PKIB: variants seen among roughly 807,000 people sequenced by gnomAD.
PKIB encodes PKI-beta.
PKIB carries 2 observed loss-of-function variants against 4.5 expected under a neutral mutation model. The ratio of observed to expected loss-of-function variants is 0.44; its 90% CI spans 0.18 to 1.39. The LOEUF (loss-of-function observed/expected upper bound fraction) is 1.39. PKIB is among the 40% of genes most tolerant of loss of function. PKIB has a pLI of 0.27. For missense variants in PKIB, 94 were observed against 92.6 expected (o/e 1.02, Z -0.06); for synonymous variants, 38 against 36.0 (o/e 1.06, Z -0.20).
At chr6:122,659,786 CTG>C (rs759686700) in intron 2 of PKIB, among the ~76,000 whole-genome samples, 37 of 151,974 alleles carry the variant, frequency 2.4e-4, no homozygotes, top group Non-Finnish European at 5.4e-4. Context: ...AGAGGAGAAT[CTG>C]TAAATGCAGA....
chr6:122,667,534 C>CA lies in PKIB; in HGVS notation c.-75-7536dup, dbSNP rs1280166100. The stretch of plus-strand genomic sequence containing the variant: ...CCTGGGGGACAAAGCAAGACTGTCT[C>CA]AAAAAAAATAAAAATGAAAATAAAA... On this transcript the variant is annotated intron_variant, in intron 2 of 4. Transcript: ENST00000368452. 8.7e-5 allele frequency among the ~76,000 whole-genome samples: 13 copies of CA among 150,260 alleles called. No homozygotes were observed. The East Asian group carries it at 1.8e-3, about 20-fold the overall frequency.
chr6:122,526,096 T>G (rs1045686586), intron 2 of PKIB, among the ~76,000 whole-genome samples: 1 of 152,250 alleles, frequency 6.6e-6, no homozygotes, highest in Non-Finnish European at 1.5e-5. Context: ...AAAGCAACTC[T>G]TCATCATTCA....
chr6:122,624,234 A>G (rs907217694), intron 1 of PKIB, among the ~76,000 whole-genome samples: 1 of 152,210 alleles, frequency 6.6e-6, no homozygotes, highest in Admixed American at 6.5e-5. Flanking sequence ...TAATGGTATG[A>G]TGAAAGAATG....
At chr6:122,552,020 G>C (rs1040864529) in intron 2 of PKIB, among the ~76,000 whole-genome samples, 6 of 151,366 alleles carry the variant, frequency 4.0e-5, no homozygotes, top group Admixed American at 6.6e-5. Context: ...TGTCATGTTG[G>C]TTCTCTGCTC....
At chr6:122,562,004 G>T (rs197690) in intron 2 of PKIB, among the ~76,000 whole-genome samples, 55,210 of 78,340 alleles carry the variant, frequency 0.7, 19,754 homozygotes, top group East Asian at 0.76. Context: ...GTTTTTTTTT[G>T]TTTTTTTTTT....
At position 122,615,912 on chromosome 6, in the gene PKIB, G is replaced by C. The variant is rs1209259401; in HGVS notation, c.-161+5377G>C. 3.9e-5 allele frequency among the ~76,000 whole-genome samples: 6 copies of C among 152,190 alleles called. No individual in the cohort carries two copies. The East Asian group carries it at 9.6e-4, about 24-fold the overall frequency. ...CAGTTGATTGGATTGCTGCCATTCT[G>C]AACTGTGTGAAAATAAATTTCTGTT... On this transcript the variant is annotated intron_variant, in intron 1 of 4. Coordinates refer to ENST00000368452, the MANE Select transcript of PKIB (RefSeq NM_181795.3).
chr6:122,668,468 T>C (rs1777318913), intron 2 of PKIB, among the ~76,000 whole-genome samples: 1 of 152,024 alleles, frequency 6.6e-6, no homozygotes, highest in African/African-American at 2.4e-5. Flanking sequence ...AAAAATGGAG[T>C]CTTTCCTGAT....
intron 2 of PKIB, among the ~76,000 whole-genome samples, chr6:122,542,172 T>C (rs1777626289): frequency 6.6e-6 from 1 of 152,128 alleles, no homozygotes; most frequent in Admixed American, 6.5e-5. Flanking sequence ...TGAAGCCTTC[T>C]TCTCTCAACT....
chr6:122,671,800 G>A (rs1229380819), intron 2 of PKIB, among the ~76,000 whole-genome samples: 1 of 152,058 alleles, frequency 6.6e-6, no homozygotes, highest in Non-Finnish European at 1.5e-5. Flanking sequence ...CTGAAATTTT[G>A]TGCTTCAGAC....
intron 2 of PKIB, among the ~76,000 whole-genome samples, chr6:122,510,344 G>A (rs1399300506): frequency 6.6e-6 from 1 of 152,160 alleles, no homozygotes; most frequent in Non-Finnish European, 1.5e-5. Context: ...AGTCTGGATA[G>A]CTCTGTCTAC....
At chr6:122,484,190 A>G (rs1040180848) in intron 2 of PKIB, 10 of 152,176 alleles carry the variant, frequency 6.6e-5, no homozygotes, top group Non-Finnish European at 1.2e-4. Context: ...GAAAAAAGAA[A>G]AAAAAAACCA....
intron 2 of PKIB, among the ~76,000 whole-genome samples, chr6:122,560,809 G>A (rs990463302): frequency 2.0e-5 from 3 of 151,858 alleles, no homozygotes; most frequent in African/African-American, 7.3e-5. Flanking sequence ...TCTCTTCTAA[G>A]TTTTCTAGTT....
At chr6:122,540,114 A>T (rs9482250) in intron 2 of PKIB, among the ~76,000 whole-genome samples, 19,880 of 151,686 alleles carry the variant, frequency 0.13, 1,485 homozygotes, top group East Asian at 0.26. Flanking sequence ...GATTTTGTTG[A>T]TCTTTTCAAA....
chr6:122,582,306 C>T (rs1237066904), intron 2 of PKIB, among the ~76,000 whole-genome samples: 1 of 151,746 alleles, frequency 6.6e-6, no homozygotes, highest in Non-Finnish European at 1.5e-5. Flanking sequence ...CTCCTATTTG[C>T]CACAAAAAAA....
chr6:122,534,477 CGTT>C (rs1777347533), intron 2 of PKIB, among the ~76,000 whole-genome samples: 2 of 151,946 alleles, frequency 1.3e-5, no homozygotes, highest in African/African-American at 4.8e-5. Flanking sequence ...AAAAAGATCT[CGTT>C]GTATGCAGGG....
upstream of PKIB, among the ~76,000 whole-genome samples, chr6:122,607,899 T>TTTG (rs1774598638): frequency 6.6e-6 from 1 of 152,176 alleles, no homozygotes; most frequent in Non-Finnish European, 1.5e-5. Context: ...CTGCCCCAAC[T>TTTG]TTGCATAGTC....
intron 3 of PKIB, among the ~76,000 whole-genome samples, chr6:122,694,975 G>A (rs918942682): frequency 7.9e-5 from 12 of 152,114 alleles, no homozygotes; most frequent in African/African-American, 2.7e-4. Context: ...TTACCCTGAG[G>A]GAATCTAATA....
intron 2 of PKIB, among the ~76,000 whole-genome samples, chr6:122,555,119 T>C (rs951014522): frequency 3.3e-5 from 5 of 152,188 alleles, no homozygotes; most frequent in Non-Finnish European, 7.3e-5. Context: ...CTCTATTAGT[T>C]ATGAACTATG....
At chr6:122,679,483 A>AG (rs1318832545) in intron 3 of PKIB, among the ~76,000 whole-genome samples, 1 of 152,182 alleles carries the variant, frequency 6.6e-6, no homozygotes, top group East Asian at 1.9e-4. Flanking sequence ...AAACCGAGGC[A>AG]GGAAACTCAG....
Sources: allele counts gnomAD v4.1 joint callset (sites outside exome capture counted in the v4.1 genomes callset), GRCh38; gene constraint gnomAD v4.1.1; transcripts MANE v1.5; gene names NCBI Gene and HGNC (gene_info 2026-07-23, HGNC 2026-07-21).